ANAPC10: variants seen among roughly 807,000 people sequenced by gnomAD.
The protein encoded by ANAPC10 is anaphase promoting complex subunit 10.
ANAPC10 carries 12 observed loss-of-function variants against 22.0 expected under a neutral mutation model. That is an observed-to-expected ratio of 0.55 (90% CI 0.35 to 0.88). The LOEUF is 0.88. Among genes scored for constraint, ANAPC10 ranks in the 40% least tolerant of loss-of-function variants. The pLI is 0.01. For missense variants in ANAPC10, 188 were observed against 220.9 expected (o/e 0.85, Z 0.94); for synonymous variants, 65 against 69.5 (o/e 0.94, Z 0.32).
chr4:145,091,279 T>C (rs1747640555), intron 2 of ANAPC10, among the ~76,000 whole-genome samples: 1 of 152,184 alleles, frequency 6.6e-6, no homozygotes, highest in African/African-American at 2.4e-5. Flanking sequence ...ACTGGTGCAA[T>C]ATTGTGATAG....
intron 2 of ANAPC10, among the ~76,000 whole-genome samples, chr4:145,091,420 G>C (rs1356563230): frequency 6.6e-6 from 1 of 151,984 alleles, no homozygotes; most frequent in Non-Finnish European, 1.5e-5. Context: ...AGATCAAACA[G>C]TGAAAGATGT....
At chr4:145,008,924 A>G (rs1022545279) in intron 4 of ANAPC10, among the ~76,000 whole-genome samples, 20 of 151,826 alleles carry the variant, frequency 1.3e-4, no homozygotes, top group African/African-American at 4.6e-4. Context: ...TGACATGATT[A>G]TATATTTAGA....
At chr4:145,032,039 C>T (rs927973507) in intron 4 of ANAPC10, among the ~76,000 whole-genome samples, 1 of 152,166 alleles carries the variant, frequency 6.6e-6, no homozygotes, top group African/African-American at 2.4e-5. Context: ...GCTCGAATGC[C>T]CATGTTCTCC....
intron 4 of ANAPC10, among the ~76,000 whole-genome samples, chr4:145,031,473 G>T (rs1426181782): frequency 2.0e-5 from 3 of 152,208 alleles, no homozygotes; most frequent in Admixed American, 1.3e-4. Flanking sequence ...CCAAGAAAGA[G>T]GCACGACACC....
intron 2 of ANAPC10, among the ~76,000 whole-genome samples, chr4:145,093,507 C>T (rs548311971): frequency 3.5e-4 from 53 of 150,488 alleles, no homozygotes; most frequent in Non-Finnish European, 7.2e-4. Flanking sequence ...CCAGAGATGA[C>T]CCAGTTGTTG....
intron 4 of ANAPC10, among the ~76,000 whole-genome samples, chr4:145,026,049 A>C (rs1736609448): frequency 6.6e-6 from 1 of 152,050 alleles, no homozygotes; most frequent in Non-Finnish European, 1.5e-5. Flanking sequence ...TAACAGTAAA[A>C]TCTCACCTCC....
intron 4 of ANAPC10, among the ~76,000 whole-genome samples, chr4:145,045,742 C>G (rs540518821): frequency 6.6e-6 from 1 of 152,028 alleles, no homozygotes; most frequent in African/African-American, 2.4e-5. Flanking sequence ...AAATGTCACA[C>G]GTCAATACTC....
intron 2 of ANAPC10, among the ~76,000 whole-genome samples, chr4:145,082,487 T>C (rs1381231708): frequency 6.6e-6 from 1 of 152,246 alleles, no homozygotes; most frequent in African/African-American, 2.4e-5. Context: ...AAACTCAGTT[T>C]CTTGTGCTTT....
chr4:145,042,227 CAT>C (rs1739620770), intron 4 of ANAPC10, among the ~76,000 whole-genome samples: 1 of 152,036 alleles, frequency 6.6e-6, no homozygotes, highest in Non-Finnish European at 1.5e-5. Context: ...TGATATGAAA[CAT>C]AATCAAAAAT....
intron 4 of ANAPC10, among the ~76,000 whole-genome samples, chr4:145,049,904 C>T (rs1451947877): frequency 1.3e-5 from 2 of 152,176 alleles, no homozygotes; most frequent in African/African-American, 4.8e-5. Flanking sequence ...GTTTCCACTA[C>T]ATCTGCAGTT....
At chr4:145,038,713 T>C (rs1739004899) in intron 4 of ANAPC10, among the ~76,000 whole-genome samples, 1 of 150,498 alleles carries the variant, frequency 6.6e-6, no homozygotes, top group South Asian at 2.1e-4. Context: ...TCTCAGCTAC[T>C]CAAGAGGCTG....
chr4:145,076,465 A>G (rs1270383211), intron 3 of ANAPC10, among the ~76,000 whole-genome samples: 2 of 152,232 alleles, frequency 1.3e-5, no homozygotes, highest in African/African-American at 4.8e-5. Context: ...AGCAACTTCA[A>G]AGATTAAAGG....
intron 4 of ANAPC10, among the ~76,000 whole-genome samples, chr4:145,009,529 C>T (rs1018894290): frequency 6.6e-6 from 1 of 152,130 alleles, no homozygotes; most frequent in African/African-American, 2.4e-5. Flanking sequence ...ACATCTACAA[C>T]CATCTGATGT....
chr4:145,064,498 A>G (rs569862410), intron 4 of ANAPC10, 74 bp downstream of exon 4: 1 of 1,233,320 alleles, frequency 8.1e-7, no homozygotes, highest in South Asian at 1.7e-5. Context: ...TGTCTAATGT[A>G]ATGTCAACTG....
chr4:145,060,577 G>GA (rs147050670), intron 4 of ANAPC10, among the ~76,000 whole-genome samples: 2,970 of 149,164 alleles, frequency 0.02, 97 homozygotes, highest in African/African-American at 0.068. Context: ...AATTTCTAGT[G>GA]AAAAAAAAAG....
chr4:145,035,111 T>C (rs1021034911), intron 4 of ANAPC10: 3 of 152,234 alleles, frequency 2.0e-5, no homozygotes, highest in African/African-American at 4.8e-5. Flanking sequence ...AGAGTTCTTT[T>C]CATGCAAGAT....
chr4:145,097,519 A>T, intron 1 of ANAPC10: 1 of 1,287,234 alleles, frequency 7.8e-7, no homozygotes, highest in African/African-American at 1.5e-5. Flanking sequence ...CTCCCATTGT[A>T]TCCGAAGTTG....
chr4:145,057,169 A>G (rs1742181446), intron 4 of ANAPC10, among the ~76,000 whole-genome samples: 1 of 152,192 alleles, frequency 6.6e-6, no homozygotes, highest in African/African-American at 2.4e-5. Context: ...AAATATTATA[A>G]TAAGAAAAGA....
intron 4 of ANAPC10, among the ~76,000 whole-genome samples, chr4:145,055,722 C>T (rs958901903): frequency 1.3e-5 from 2 of 151,932 alleles, no homozygotes; most frequent in African/African-American, 4.8e-5. Context: ...TTCATAGAAA[C>T]AAAAACTAGA....
Sources: gnomAD v4.1 joint callset for allele counts (sites outside exome capture counted in the v4.1 genomes callset) on GRCh38, gnomAD v4.1.1 for gene constraint, MANE v1.5 for transcripts, NCBI Gene and HGNC (gene_info 2026-07-23, HGNC 2026-07-21) for gene names.